Variants in CUL1 observed in about 807,000 individuals in gnomAD.
The protein encoded by CUL1 is cullin 1.
Under a neutral mutation model 118.0 loss-of-function variants are expected in CUL1, and 24 were observed. That is an observed-to-expected ratio of 0.20 (90% confidence interval 0.15 to 0.29). The LOEUF (loss-of-function observed/expected upper bound fraction) is 0.29. CUL1 is among the 10% of genes least tolerant of loss of function. CUL1 has a pLI of 1.00. For synonymous variants in CUL1, 332 were observed against 340.4 expected (o/e 0.98, Z 0.27); for missense variants, 361 against 933.8 (o/e 0.39, Z 7.99).
intron 9 of CUL1, among the ~76,000 whole-genome samples, chr7:148,771,482 G>A (rs1298907613): frequency 6.6e-6 from 1 of 152,154 alleles, no homozygotes; most frequent in Non-Finnish European, 1.5e-5. Context: ...CTAAAAGCTG[G>A]CAGCCCTCAG....
chr7:148,793,066 G>A (rs548839681), intron 17 of CUL1, among the ~76,000 whole-genome samples: 82 of 152,252 alleles, frequency 5.4e-4, no homozygotes, highest in Non-Finnish European at 2.1e-4. Context: ...AGGCTGGGGC[G>A]GGAGGATCAC....
intron 1 of CUL1, among the ~76,000 whole-genome samples, chr7:148,716,216 T>A (rs1584762337): frequency 6.6e-6 from 1 of 152,196 alleles, no homozygotes; most frequent in African/African-American, 2.4e-5. Context: ...TGTCCATTCC[T>A]GAGAATTCCA....
intron 4 of CUL1, 35 bp from the exon 5 acceptor site, chr7:148,759,269 A>G: frequency 6.3e-7 from 1 of 1,594,558 alleles, no homozygotes; most frequent in Non-Finnish European, 8.6e-7. Context: ...AAAACATGGT[A>G]AAAGTATAGA....
chr7:148,733,130 T>C (rs1798819454), intron 2 of CUL1, among the ~76,000 whole-genome samples: 1 of 152,210 alleles, frequency 6.6e-6, no homozygotes, highest in Admixed American at 6.5e-5. Context: ...GCAGTCTGAC[T>C]CTAGAATTGC....
At chr7:148,704,020 A>G (rs1410059050) in intron 1 of CUL1, among the ~76,000 whole-genome samples, 1 of 152,234 alleles carries the variant, frequency 6.6e-6, no homozygotes, top group Non-Finnish European at 1.5e-5. Flanking sequence ...ACTTTAGAAT[A>G]ATAAAACTTC....
intron 1 of CUL1, among the ~76,000 whole-genome samples, chr7:148,706,284 G>A (rs1328967347): frequency 6.6e-6 from 1 of 152,136 alleles, no homozygotes; most frequent in African/African-American, 2.4e-5. Flanking sequence ...TCAGTGCTTG[G>A]TATGAGCCAA....
intron 9 of CUL1, among the ~76,000 whole-genome samples, chr7:148,768,907 A>T (rs769623669): frequency 1.3e-5 from 2 of 152,172 alleles, no homozygotes; most frequent in Non-Finnish European, 2.9e-5. Context: ...TAAAGGGTTG[A>T]GTATAAAGCT....
intron 3 of CUL1, 101 bp from the exon 4 acceptor site, chr7:148,756,880 CAT>C (rs775784779): frequency 7.1e-5 from 48 of 672,398 alleles, no homozygotes; most frequent in Admixed American, 1.3e-4. Flanking sequence ...TCTAAAATCA[CAT>C]GTGTCAATGT....
intron 2 of CUL1, among the ~76,000 whole-genome samples, chr7:148,743,148 C>T (rs1234380169): frequency 6.6e-6 from 1 of 152,140 alleles, no homozygotes; most frequent in Non-Finnish European, 1.5e-5. Context: ...TAATTTCCGT[C>T]CTTTTAAATG....
At chr7:148,725,199 ACACACACACACACGCGCGCGCTCAC>A (rs929326885) in intron 1 of CUL1, among the ~76,000 whole-genome samples, 26 of 91,304 alleles carry the variant, frequency 2.8e-4, no homozygotes, top group African/African-American at 5.9e-5. Flanking sequence ...GCGCGCGTGT[ACACACACACACACGCGCGCGCTCAC>A]ACACACACAC....
intron 1 of CUL1, among the ~76,000 whole-genome samples, chr7:148,701,832 A>G (rs1797728355): frequency 6.6e-6 from 1 of 152,198 alleles, no homozygotes; most frequent in African/African-American, 2.4e-5. Flanking sequence ...TTAAAAACTT[A>G]GGAACTTGGT....
chr7:148,728,131 A>G (rs1228249225), intron 1 of CUL1, among the ~76,000 whole-genome samples: 2 of 152,228 alleles, frequency 1.3e-5, no homozygotes, highest in Non-Finnish European at 2.9e-5. Flanking sequence ...AGTCCGTAGC[A>G]GTTGAATGTG....
At chr7:148,729,466 G>A (rs1798686306) in intron 1 of CUL1, among the ~76,000 whole-genome samples, 1 of 152,038 alleles carries the variant, frequency 6.6e-6, no homozygotes, top group Non-Finnish European at 1.5e-5. Flanking sequence ...CCTTAAAAAG[G>A]GAGTGCCTAT....
At chr7:148,706,093 A>C (rs2129458881) in intron 1 of CUL1, among the ~76,000 whole-genome samples, 1 of 152,318 alleles carries the variant, frequency 6.6e-6, no homozygotes, top group Non-Finnish European at 1.5e-5. Context: ...CAGTGTCCCC[A>C]AGGGGAAAGT....
chr7:148,728,134 T>G (rs1352110040), intron 1 of CUL1, among the ~76,000 whole-genome samples: 9 of 152,160 alleles, frequency 5.9e-5, no homozygotes, highest in Admixed American at 5.9e-4. Context: ...CCGTAGCAGT[T>G]GAATGTGAAA....
chr7:148,762,684 AT>A (rs1192525918), intron 7 of CUL1, among the ~76,000 whole-genome samples: 19 of 152,170 alleles, frequency 1.2e-4, no homozygotes, highest in South Asian at 4.1e-4. Flanking sequence ...TCTTATCCAG[AT>A]GCACATCCAC....
chr7:148,732,161 G>C (rs190240415), intron 2 of CUL1, among the ~76,000 whole-genome samples: 1 of 152,090 alleles, frequency 6.6e-6, no homozygotes, highest in Admixed American at 6.5e-5. Context: ...CTTAATTCTT[G>C]TAGGAAAGCT....
intron 9 of CUL1, among the ~76,000 whole-genome samples, chr7:148,778,268 C>A (rs2129461982): frequency 6.6e-6 from 1 of 151,964 alleles, no homozygotes; most frequent in Non-Finnish European, 1.5e-5. Flanking sequence ...AAGATTATTT[C>A]TAAATGATTT....
At chr7:148,700,450 T>C (rs1797687828) in intron 1 of CUL1, among the ~76,000 whole-genome samples, 3 of 152,252 alleles carry the variant, frequency 2.0e-5, no homozygotes, top group Admixed American at 1.3e-4. Context: ...TAGTAAAATA[T>C]GTAATGATGT....
Sources: allele counts gnomAD v4.1 joint callset (sites outside exome capture counted in the v4.1 genomes callset), GRCh38; gene constraint gnomAD v4.1.1; transcripts MANE v1.5; gene names NCBI Gene and HGNC (gene_info 2026-07-23, HGNC 2026-07-21).